ATF2: variants seen among roughly 807,000 people sequenced by gnomAD.
ATF2 encodes activating transcription factor 2, also known as cyclic AMP-dependent transcription factor ATF-2.
A neutral mutation model predicts 60.6 loss-of-function variants in ATF2; 24 were observed. That is an observed-to-expected ratio of 0.40 (90% CI 0.29 to 0.56). The LOEUF is 0.56. Ranked by LOEUF, ATF2 falls within the 20% of genes least tolerant of loss-of-function variation. The pLI, the probability that ATF2 is intolerant of heterozygous loss-of-function variation, is 0.54. For missense variants in ATF2, 433 were observed against 607.7 expected (o/e 0.71, Z 3.02); for synonymous variants, 206 against 215.4 (o/e 0.96, Z 0.38).
intron 3 of ATF2, among the ~76,000 whole-genome samples, chr2:175,134,044 T>G (rs1697942437): frequency 6.6e-6 from 1 of 152,110 alleles, no homozygotes; most frequent in Non-Finnish European, 1.5e-5. Flanking sequence ...TAAAAGAATA[T>G]GTACAGTCAG....
At chr2:175,097,331 T>C (rs1559062394) in intron 11 of ATF2, 113 bp downstream of exon 11, 4 of 1,413,366 alleles carry the variant, frequency 2.8e-6, no homozygotes. Context: ...TTTTGATACA[T>C]CTTTGGAATA....
At chr2:175,145,438 C>T (rs1475254896) in intron 2 of ATF2, among the ~76,000 whole-genome samples, 2 of 152,180 alleles carry the variant, frequency 1.3e-5, no homozygotes, top group Non-Finnish European at 2.9e-5. Flanking sequence ...TGTGCCTGCT[C>T]CTGCTTTGCC....
intron 13 of ATF2, among the ~76,000 whole-genome samples, chr2:175,077,337 C>G (rs563068985): frequency 2.6e-5 from 4 of 152,198 alleles, no homozygotes; most frequent in Admixed American, 6.5e-5. Context: ...TGGGTCAAAT[C>G]GTATTTCTAG....
At chr2:175,081,875 AC>A (rs1329238197) in intron 12 of ATF2, among the ~76,000 whole-genome samples, 1 of 152,158 alleles carries the variant, frequency 6.6e-6, no homozygotes, top group Non-Finnish European at 1.5e-5. Context: ...ACATGGTGAA[AC>A]CCTGTCTCTA....
chr2:175,079,369 A>G (rs1322575660), intron 13 of ATF2, among the ~76,000 whole-genome samples: 6 of 152,168 alleles, frequency 3.9e-5, no homozygotes, highest in Non-Finnish European at 8.8e-5. Flanking sequence ...TCACGTATGC[A>G]TAAATGCTGA....
intron 12 of ATF2, among the ~76,000 whole-genome samples, chr2:175,086,466 C>T (rs1442585907): frequency 1.3e-5 from 2 of 152,122 alleles, no homozygotes; most frequent in Non-Finnish European, 2.9e-5. Context: ...TGGTCAAGAC[C>T]AGGTCAAGCG....
chr2:175,081,903 T>G (rs1693783403), intron 12 of ATF2, among the ~76,000 whole-genome samples: 1 of 151,924 alleles, frequency 6.6e-6, no homozygotes, highest in South Asian at 2.1e-4. Context: ...ATACAAAAAT[T>G]AGTTGGGCGT....
chr2:175,148,646 G>T (rs949905154), intron 2 of ATF2, among the ~76,000 whole-genome samples: 5 of 152,122 alleles, frequency 3.3e-5, no homozygotes, highest in Admixed American at 6.5e-5. Context: ...CACAGAGACC[G>T]TAAGATTGAT....
At chr2:175,141,282 C>A (rs372519911) in intron 2 of ATF2, among the ~76,000 whole-genome samples, 1 of 151,366 alleles carries the variant, frequency 6.6e-6, no homozygotes, top group East Asian at 1.9e-4. Context: ...GGGCTGGATT[C>A]TTCATTTCAC....
chr2:175,121,361 T>C (rs1696943400), intron 5 of ATF2, 83 bp downstream of exon 5: 1 of 826,880 alleles, frequency 1.2e-6, no homozygotes, highest in South Asian at 2.5e-5. Flanking sequence ...CACCAGACTA[T>C]ATTATTTACA....
intron 11 of ATF2, 88 bp downstream of exon 11, chr2:175,097,356 G>A: frequency 6.6e-7 from 1 of 1,516,358 alleles, no homozygotes; most frequent in Non-Finnish European, 8.9e-7. Flanking sequence ...CATGACCAGA[G>A]TAATATTTTT....
intron 7 of ATF2, among the ~76,000 whole-genome samples, chr2:175,116,789 T>C (rs977608288): frequency 3.3e-5 from 5 of 151,930 alleles, no homozygotes; most frequent in African/African-American, 1.2e-4. Flanking sequence ...GTGAAAAGAA[T>C]GAAATGCTCT....
At chr2:175,108,615 G>A (rs1228853520) in intron 10 of ATF2, among the ~76,000 whole-genome samples, 2 of 151,652 alleles carry the variant, frequency 1.3e-5, no homozygotes, top group South Asian at 2.1e-4. Flanking sequence ...GCCTCTGCCC[G>A]GCCGCCCCTT....
At chr2:175,079,054 T>A (rs1693572256) in intron 13 of ATF2, among the ~76,000 whole-genome samples, 1 of 152,150 alleles carries the variant, frequency 6.6e-6, no homozygotes, top group African/African-American at 2.4e-5. Flanking sequence ...GTACTAAAAA[T>A]GTATTAATCT....
chr2:175,127,903 C>T (rs147264317), intron 4 of ATF2, among the ~76,000 whole-genome samples: 1 of 152,264 alleles, frequency 6.6e-6, no homozygotes, highest in East Asian at 1.9e-4. Context: ...TACCATTAAA[C>T]CCTCACCAGA....
chr2:175,129,285 A>C (rs1033888938), intron 4 of ATF2, among the ~76,000 whole-genome samples: 1 of 152,156 alleles, frequency 6.6e-6, no homozygotes, highest in Non-Finnish European at 1.5e-5. Flanking sequence ...CAGAAGGCAG[A>C]CCAGTAATTG....
chr2:175,104,631 T>C lies in ATF2; in HGVS notation c.828+6937A>G, dbSNP rs74443459. Among the ~76,000 whole-genome samples the C allele has an allele frequency of 1.9e-3, 284 of 152,260 alleles. 3 individuals are homozygous for C. The highest frequency in any genetic ancestry group is 6.4e-3 in the African/African-American group (267 of 41,538). On this transcript the variant is annotated intron_variant, in intron 10 of 13. Transcript: ENST00000264110. ...AGTTCTGTGACCATTTATCTGGTCA[T>C]TAAGAAAGCTCTGTGCACTGGGATA...
chr2:175,157,048 A>G (rs1408904865), intron 1 of ATF2, among the ~76,000 whole-genome samples: 2 of 152,176 alleles, frequency 1.3e-5, no homozygotes, highest in Non-Finnish European at 2.9e-5. Flanking sequence ...ATTCACATAA[A>G]GTTTCTAAAG....
Position 175,072,920 on chromosome 2 carries a change from G to A in ATF2, c.*1689C>T, listed in dbSNP as rs774545646. 1 of 152,106 alleles carries A rather than the reference G, an allele frequency of 6.6e-6. No homozygotes were observed. Among genetic ancestry groups the A allele is most frequent in the Non-Finnish European group, 1.5e-5 (1 of 68,006 alleles). The allele number at this position is 152,106 out of a possible 1,614,324, so 9.4% of individuals were successfully genotyped here. On this transcript the variant is annotated 3_prime_UTR_variant, in exon 14 of 14. Transcript: ENST00000264110. ...TGTTTCCCAGTTTGGAACTTAGGCA[G>A]GAGGGATATTTCCTTGAATTATCAA... is the stretch of plus-strand genomic sequence containing the variant.
Sources: gnomAD v4.1 joint callset for allele counts (sites outside exome capture counted in the v4.1 genomes callset) on GRCh38, gnomAD v4.1.1 for gene constraint, MANE v1.5 for transcripts, NCBI Gene and HGNC (gene_info 2026-07-23, HGNC 2026-07-21) for gene names.